The following AFAP1 variants were observed in gnomAD, a reference collection of about 807,000 sequenced individuals.
AFAP1 encodes actin filament-associated protein 1.
In AFAP1, 75 loss-of-function variants were observed where a neutral mutation model predicts 93.9. The observed-to-expected ratio is 0.80, with a 90% CI of 0.66 to 0.97. The LOEUF (loss-of-function observed/expected upper bound fraction) is 0.97. Among genes scored for constraint, AFAP1 ranks in the 50% least tolerant of loss-of-function variants. AFAP1 has a pLI of 0.00. For missense variants in AFAP1, 1,201 were observed against 1,050.8 expected, an observed-to-expected ratio of 1.14 and a Z score of -1.98; for synonymous variants, 517 against 430.7, an observed-to-expected ratio of 1.20 and a Z score of -2.48.
chr4:7,838,682 G>C lies in AFAP1; in HGVS notation c.568C>G (p.Gln190Glu). 6.2e-7 allele frequency: 1 copy of C among 1,614,014 alleles called. No individual in the cohort carries two copies. The highest frequency in any genetic ancestry group is 8.5e-7 in the Non-Finnish European group (1 of 1,179,986). The change falls in exon 6 of 18, where the codon CAG becomes GAG. Residue 190 changes from glutamine (Q) to glutamate (E), a missense_variant. Physicochemically the swap from Gln to Glu is conservative, Grantham distance 29. Coordinates refer to ENST00000420658, the MANE Select transcript of AFAP1 (RefSeq NM_001134647.2). The part of the protein sequence containing the change: ...KLLCYKSSKD[Q>E]QPQMELPLQG... ...AGTGGCAGTTCCATCTGAGGCTGCT[G>C]GTCCTTGGAACTTTTATAGCACTGC... is the stretch of plus-strand genomic sequence containing the variant.
At position 7,939,265 on chromosome 4, in the gene AFAP1, G is replaced by A. The variant is rs772460746; in HGVS notation, c.-3+391C>T. ...AAGTCGGACGAAGCAGTCTCGCTAC[G>A]GGGGAGGGCGGCGGAGCCTCCCACT... On this transcript the variant is annotated intron_variant, in intron 1 of 17. Coordinates refer to ENST00000420658, the MANE Select transcript of AFAP1 (RefSeq NM_001134647.2). This position sits in a 1 kb window ranked among gnomAD's most constrained non-coding sequence, Gnocchi z 5.6. The A allele has an allele frequency of 1.3e-5, 4 of 306,310 alleles. No individual in the cohort carries two copies. Among genetic ancestry groups the A allele is most frequent in the East Asian group, 1.5e-4 (1 of 6,672 alleles). 19.0% of individuals were successfully genotyped at this position (306,310 alleles called of 1,614,324 possible). A position where few individuals can be genotyped will look rare whatever the true frequency, so the allele number is the denominator to read the frequency against.
chr4:7,874,851 A>C (rs1310718422), intron 1 of AFAP1, among the ~76,000 whole-genome samples: 1 of 152,010 alleles, frequency 6.6e-6, no homozygotes, highest in Non-Finnish European at 1.5e-5. Context: ...ACTTTTCATA[A>C]ATATATATTA....
chr4:7,915,875 G>A lies in AFAP1; in HGVS notation c.-3+23781C>T, dbSNP rs191182392. On this transcript the variant is annotated intron_variant, in intron 1 of 17. Transcript: ENST00000420658. Reference sequence around the variant, plus strand: ...TACATACAATTAGCAAGGAATAGCGGATAAAGGAAACCAAAATAATTACTT... The same window carrying A: ...TACATACAATTAGCAAGGAATAGCGAATAAAGGAAACCAAAATAATTACTT... 1.2e-3 allele frequency among the ~76,000 whole-genome samples: 185 copies of A among 152,362 alleles called. 1 individual carries two copies. The highest frequency in any genetic ancestry group is 1.9e-3 in the Non-Finnish European group (129 of 68,038).
intron 11 of AFAP1, among the ~76,000 whole-genome samples, chr4:7,786,683 AC>A (rs1474897702): frequency 1.3e-5 from 2 of 152,158 alleles, no homozygotes; most frequent in African/African-American, 4.8e-5. Flanking sequence ...GTTCAGAAAT[AC>A]CAAGCGTTTT....
intron 9 of AFAP1, 31 bp from the exon 10 acceptor site, chr4:7,800,684 C>A: frequency 6.2e-7 from 1 of 1,613,006 alleles, no homozygotes; most frequent in Non-Finnish European, 8.5e-7. Flanking sequence ...AGGTCAGCCG[C>A]CTCGGACAAG....
chr4:7,867,074 A>G (rs1716485489), intron 3 of AFAP1, among the ~76,000 whole-genome samples: 1 of 85,408 alleles, frequency 1.2e-5, no homozygotes, highest in Non-Finnish European at 2.2e-5. Context: ...AGGGGAGGAG[A>G]AGGGAGGGGA....
chr4:7,938,809 G>A (rs1577375833), intron 1 of AFAP1, among the ~76,000 whole-genome samples: 1 of 152,138 alleles, frequency 6.6e-6, no homozygotes, highest in East Asian at 2.0e-4. Flanking sequence ...CCTCCAATCA[G>A]AGCCCAGCCC....
intron 4 of AFAP1, among the ~76,000 whole-genome samples, chr4:7,853,721 C>T (rs772030796): frequency 6.6e-6 from 1 of 152,174 alleles, no homozygotes; most frequent in Non-Finnish European, 1.5e-5. Context: ...TCTCAAAGTT[C>T]GTATCTAACT....
chr4:7,870,739 C>T (rs187817755), intron 2 of AFAP1, among the ~76,000 whole-genome samples: 4 of 152,252 alleles, frequency 2.6e-5, no homozygotes, highest in African/African-American at 9.6e-5. Flanking sequence ...CAGGCCCCAT[C>T]GCCCACCCAG....
At chr4:7,839,444 T>C (rs1560191070) in intron 5 of AFAP1, among the ~76,000 whole-genome samples, 1 of 151,972 alleles carries the variant, frequency 6.6e-6, no homozygotes, top group African/African-American at 2.4e-5. Flanking sequence ...TTTATGTGAA[T>C]AATATATAAA....
intron 5 of AFAP1, among the ~76,000 whole-genome samples, chr4:7,840,667 T>C (rs1712905528): frequency 6.6e-6 from 1 of 151,964 alleles, no homozygotes; most frequent in Non-Finnish European, 1.5e-5. Context: ...AAGAAATACA[T>C]CCCCTTTTTA....
At position 7,876,769 on chromosome 4, in the gene AFAP1, G is replaced by A. The variant is rs1246309176; in HGVS notation, c.-2-4689C>T. Among the ~76,000 whole-genome samples the A allele has an allele frequency of 4.6e-5, 7 of 152,250 alleles. No individual in the cohort carries two copies. The East Asian group carries it at 1.4e-3, about 29-fold the overall frequency. On this transcript the variant is annotated intron_variant, in intron 1 of 17. Transcript: ENST00000420658. ...GTATTGTTGTTAAGCTAATCTGTGT[G>A]GTTTTCTGTTCACCTGAAACTGTAA... is the stretch of plus-strand genomic sequence containing the variant.
intron 6 of AFAP1, among the ~76,000 whole-genome samples, chr4:7,823,339 A>G (rs1440749818): frequency 6.6e-6 from 1 of 152,230 alleles, no homozygotes; most frequent in African/African-American, 2.4e-5. Context: ...AAACAGAAGG[A>G]AAGAAACGTA....
chr4:7,901,077 A>C (rs375250136), intron 1 of AFAP1, among the ~76,000 whole-genome samples: 7 of 152,338 alleles, frequency 4.6e-5, no homozygotes, highest in African/African-American at 1.4e-4. Context: ...TCTATGTATA[A>C]CAGCAAGAGT....
intron 3 of AFAP1, among the ~76,000 whole-genome samples, chr4:7,867,221 C>T (rs191950247): frequency 6.8e-4 from 104 of 152,072 alleles, no homozygotes; most frequent in African/African-American, 2.4e-3. Context: ...TTCAGATGGC[C>T]GGGTGGTTGG....
chr4:7,786,169 A>C, intron 12 of AFAP1, 25 bp downstream of exon 12: 1 of 1,600,502 alleles, frequency 6.2e-7, no homozygotes. Flanking sequence ...AAAACCAACC[A>C]TTACTCCAAA....
intron 5 of AFAP1, among the ~76,000 whole-genome samples, chr4:7,840,844 G>T (rs543658442): frequency 6.6e-5 from 10 of 152,264 alleles, no homozygotes; most frequent in African/African-American, 1.9e-4. Flanking sequence ...TTTATTTTTT[G>T]ATTTTAAATT....
chr4:7,806,168 T>G (rs185752782), intron 9 of AFAP1, among the ~76,000 whole-genome samples: 1 of 152,370 alleles, frequency 6.6e-6, no homozygotes, highest in Admixed American at 6.5e-5. Flanking sequence ...GGCTGTGTGC[T>G]GAGCTGACCT....
At chr4:7,855,422 G>A (rs1553847057) in intron 4 of AFAP1, 44 bp downstream of exon 4, 8 of 1,444,918 alleles carry the variant, frequency 5.5e-6, no homozygotes, top group Non-Finnish European at 7.6e-6. Flanking sequence ...CAACAGTCCT[G>A]CCAATCACAA....
Sources: allele counts gnomAD v4.1 joint callset (sites outside exome capture counted in the v4.1 genomes callset), GRCh38; gene constraint gnomAD v4.1.1; non-coding constraint Gnocchi (gnomAD v3.1); transcripts MANE v1.5; gene names NCBI Gene and HGNC (gene_info 2026-07-23, HGNC 2026-07-21).